ZNF438: variants seen among roughly 807,000 people sequenced by gnomAD.
The protein encoded by ZNF438 is zinc finger protein 438.
In ZNF438, 25 loss-of-function variants were observed where a neutral mutation model predicts 38.0. The observed-to-expected ratio is 0.66, with a 90% CI of 0.48 to 0.92. The LOEUF is 0.92. ZNF438 is among the 40% of genes least tolerant of loss of function. ZNF438 has a pLI of 0.00. For synonymous variants in ZNF438, 372 were observed against 364.1 expected, an observed-to-expected ratio of 1.02 and a Z score of -0.25; for missense variants, 1,007 against 999.6, an observed-to-expected ratio of 1.01 and a Z score of -0.10.
At chr10:30,892,212 T>C (rs1429591360) in intron 3 of ZNF438, among the ~76,000 whole-genome samples, 1 of 147,088 alleles carries the variant, frequency 6.8e-6, no homozygotes, top group Non-Finnish European at 1.5e-5. Flanking sequence ...TCTAAAACTG[T>C]GGATAGTACG....
At chr10:30,873,109 T>C (rs2037758027) in intron 4 of ZNF438, among the ~76,000 whole-genome samples, 1 of 152,236 alleles carries the variant, frequency 6.6e-6, no homozygotes, top group Non-Finnish European at 1.5e-5. Context: ...TATGTTGTTT[T>C]CATGCCTCTT....
At chr10:30,942,995 C>CA (rs2046980813) in intron 1 of ZNF438, among the ~76,000 whole-genome samples, 1 of 152,108 alleles carries the variant, frequency 6.6e-6, no homozygotes, top group African/African-American at 2.4e-5. Flanking sequence ...TAAAAGTAAA[C>CA]AAAGACTTCC....
chr10:30,916,864 T>A (rs190469318), intron 2 of ZNF438, among the ~76,000 whole-genome samples: 55 of 152,232 alleles, frequency 3.6e-4, no homozygotes, highest in Non-Finnish European at 7.4e-5. Context: ...GCAAATGTAT[T>A]ATATGGTTGA....
At chr10:31,016,694 T>C (rs2642190) in intron 1 of ZNF438, among the ~76,000 whole-genome samples, 2 of 152,064 alleles carry the variant, frequency 1.3e-5, no homozygotes, top group Non-Finnish European at 2.9e-5. Context: ...CTAACAAGCC[T>C]CTTTTTTAAT....
intron 1 of ZNF438, among the ~76,000 whole-genome samples, chr10:30,983,430 G>A (rs114000608): frequency 5.9e-5 from 9 of 152,298 alleles, no homozygotes; most frequent in African/African-American, 2.2e-4. Context: ...GGAATAGTGT[G>A]AAGGGGGAGG....
intron 2 of ZNF438, among the ~76,000 whole-genome samples, chr10:30,938,777 CTTTA>C (rs61394565): frequency 0.66 from 98,619 of 149,542 alleles, 32,980 homozygotes; most frequent in Middle Eastern, 0.73. Context: ...GGGAAGCAAA[CTTTA>C]TTTATTTATT....
Position 31,012,016 on chromosome 10 carries a change from C to T in ZNF438, c.-192+19817G>A, listed in dbSNP as rs372148995. Among the ~76,000 whole-genome samples, 41 of 152,300 alleles carry T rather than the reference C, an allele frequency of 2.7e-4. No individual in the cohort carries two copies. The South Asian group carries it at 5.4e-3, about 20-fold the overall frequency. ...TGCACAAACATGTGCTGTTTCCTTG[C>T]CCTGGAATGCTCTCAGACATCTGCA... On this transcript the variant is annotated intron_variant, in intron 1 of 5. Transcript: ENST00000413025.
chr10:30,930,404 T>G (rs1191526505), intron 2 of ZNF438, among the ~76,000 whole-genome samples: 1 of 151,894 alleles, frequency 6.6e-6, no homozygotes, highest in Non-Finnish European at 1.5e-5. Flanking sequence ...GCAGCCCCGG[T>G]TCCCACCCGC....
At chr10:30,892,642 T>G (rs2040840635) in intron 3 of ZNF438, among the ~76,000 whole-genome samples, 1 of 152,090 alleles carries the variant, frequency 6.6e-6, no homozygotes, top group Non-Finnish European at 1.5e-5. Flanking sequence ...AGTCTCCTTC[T>G]CATTCTATTC....
chr10:30,914,715 A>C (rs1458920750), intron 2 of ZNF438, among the ~76,000 whole-genome samples: 1 of 152,034 alleles, frequency 6.6e-6, no homozygotes, highest in African/African-American at 2.4e-5. Flanking sequence ...TTTTAAAAGG[A>C]GGCTTCCTCC....
rs185196501 is a variant in ZNF438, at chr10:30,907,450, T to C, written c.-32+1483A>G. On this transcript the variant is annotated intron_variant, in intron 3 of 5. Coordinates refer to ENST00000413025, the Ensembl canonical transcript of ZNF438. ...TGTAAAGGATTGGTATTAATTCTTT[T>C]CTAAATTTTTGGTAGAATTCACAGT... is the stretch of plus-strand genomic sequence containing the variant. Among the ~76,000 whole-genome samples the C allele has an allele frequency of 7.2e-5, 11 of 152,358 alleles. No homozygotes were observed. In the East Asian group the frequency reaches 2.1e-3, roughly 29 times the overall value.
At chr10:31,015,262 TTC>T (rs1228327487) in intron 1 of ZNF438, among the ~76,000 whole-genome samples, 1 of 152,192 alleles carries the variant, frequency 6.6e-6, no homozygotes, top group Non-Finnish European at 1.5e-5. Flanking sequence ...TCAATATTGT[TTC>T]TGTCATTATT....
chr10:30,861,901 T>C (rs1453828093), intron 4 of ZNF438, among the ~76,000 whole-genome samples: 1 of 152,182 alleles, frequency 6.6e-6, no homozygotes, highest in East Asian at 1.9e-4. Flanking sequence ...CCGAGGAGCA[T>C]AAGAAGTTAA....
chr10:30,942,395 A>G (rs1373453494), intron 1 of ZNF438, among the ~76,000 whole-genome samples: 1 of 152,234 alleles, frequency 6.6e-6, no homozygotes, highest in East Asian at 1.9e-4. Flanking sequence ...GAAAATTCAA[A>G]AAGCAGTGAG....
chr10:30,928,826 G>A (rs1473656452), intron 2 of ZNF438, among the ~76,000 whole-genome samples: 1 of 152,146 alleles, frequency 6.6e-6, no homozygotes, highest in Admixed American at 6.5e-5. Flanking sequence ...GGAGTGAGGT[G>A]AAGACCTGGG....
At chr10:30,974,000 C>T (rs1289887687) in intron 1 of ZNF438, among the ~76,000 whole-genome samples, 1 of 152,204 alleles carries the variant, frequency 6.6e-6, no homozygotes, top group African/African-American at 2.4e-5. Flanking sequence ...CGTTTCACCA[C>T]TCAGGAGTTC....
Position 30,848,666 on chromosome 10 carries a change from C to T in ZNF438, c.1739G>A (p.Arg580Gln), listed in dbSNP as rs780649354. 3.0e-5 allele frequency: 49 copies of T among 1,614,088 alleles called. No homozygotes were observed. The highest frequency in any genetic ancestry group is 3.3e-4 in the Middle Eastern group (2 of 6,084). The change falls in exon 5 of 6, where the codon CGA becomes CAA. Residue 580 changes from arginine (R) to glutamine (Q), a missense_variant. By Grantham distance (43) the Arg-to-Gln change is conservative. Transcript: ENST00000413025. ...TTCTTTCAGATGGCCAAAATAGACT[C>T]GGATGTGGCCAAACACTTTTGCACA...
chr10:31,015,566 C>T (rs2056127201), intron 1 of ZNF438, among the ~76,000 whole-genome samples: 1 of 152,144 alleles, frequency 6.6e-6, no homozygotes, highest in Admixed American at 6.5e-5. Flanking sequence ...ATTGCTTGAA[C>T]CTGGGAGGCT....
At chr10:30,854,064 A>G (rs2034175522) in intron 4 of ZNF438, among the ~76,000 whole-genome samples, 3 of 152,218 alleles carry the variant, frequency 2.0e-5, no homozygotes. Context: ...TCACGCCTGT[A>G]ATCCCAGCAC....
Sources: gnomAD v4.1 joint callset for allele counts (sites outside exome capture counted in the v4.1 genomes callset) on GRCh38, gnomAD v4.1.1 for gene constraint, MANE v1.5 for transcripts, NCBI Gene and HGNC (gene_info 2026-07-23, HGNC 2026-07-21) for gene names.